The following CAMK2D variants were observed in gnomAD, a reference collection of about 807,000 sequenced individuals.
CAMK2D encodes the protein calcium/calmodulin dependent protein kinase II delta.
A neutral mutation model predicts 84.0 loss-of-function variants in CAMK2D; 37 were observed. The ratio of observed to expected loss-of-function variants is 0.44; its 90% confidence interval spans 0.34 to 0.58. CAMK2D has a LOEUF of 0.58. Among genes scored for constraint, CAMK2D ranks in the 20% least tolerant of loss-of-function variants. The pLI is 0.02. For synonymous variants in CAMK2D, 202 were observed against 212.5 expected (o/e 0.95, Z 0.43); for missense variants, 448 against 652.5 (o/e 0.69, Z 3.41).
chr4:113,467,950 A>AT (rs11463763), intron 16 of CAMK2D, among the ~76,000 whole-genome samples: 85,112 of 149,820 alleles, frequency 0.57, 24,474 homozygotes, highest in African/African-American at 0.67. Context: ...AAACTAACAG[A>AT]TTTTTTTTTT....
chr4:113,560,498 A>G (rs2098693183), intron 4 of CAMK2D, among the ~76,000 whole-genome samples: 1 of 152,210 alleles, frequency 6.6e-6, no homozygotes, highest in African/African-American at 2.4e-5. Context: ...TTTTAAAGCC[A>G]TAATCCTTAA....
intron 7 of CAMK2D, 146 bp downstream of exon 7, chr4:113,537,195 G>A: frequency 1.9e-6 from 1 of 522,692 alleles, no homozygotes; most frequent in Non-Finnish European, 3.4e-6. Flanking sequence ...AAAATTAAAT[G>A]CTTATAAAGG....
At chr4:113,610,375 C>G (rs779517420) in intron 3 of CAMK2D, among the ~76,000 whole-genome samples, 2 of 152,208 alleles carry the variant, frequency 1.3e-5, no homozygotes, top group Non-Finnish European at 2.9e-5. Context: ...TTTTCTACTA[C>G]AACCTGTTAT....
At chr4:113,491,393 G>A (rs1193353278) in intron 16 of CAMK2D, among the ~76,000 whole-genome samples, 6 of 142,312 alleles carry the variant, frequency 4.2e-5, no homozygotes, top group African/African-American at 1.6e-4. Flanking sequence ...TGCATCTATT[G>A]AGATAATCAT....
chr4:113,631,889 T>C (rs943999470), intron 3 of CAMK2D, among the ~76,000 whole-genome samples: 3 of 151,906 alleles, frequency 2.0e-5, no homozygotes, highest in Non-Finnish European at 4.4e-5. Context: ...TGTGTCCTTA[T>C]AGAGTTTACA....
Position 113,457,354 on chromosome 4 carries a change from A to C in CAMK2D, c.1516T>G (p.Ser506Ala). Residue 506 changes from serine to alanine, a missense_variant, in exon 19 of 21, where the codon TCA (serine) becomes GCA (alanine). By Grantham distance (99) the Ser-to-Ala change is moderately conservative. Coordinates refer to ENST00000511664, the MANE Select transcript of CAMK2D (RefSeq NM_001321571.2). ...WQNVHFHRSGSPTVPIKPPCI... is the reference protein window; with the variant it reads ...WQNVHFHRSGAPTVPIKPPCI... ...ATTTACTTGATGGGTACTGTTGGTG[A>C]CCCCGAGCGATGAAAATGAACATTC... 1 of 1,613,564 alleles carries C rather than the reference A, an allele frequency of 6.2e-7. No individual in the cohort carries two copies.
At chr4:113,461,802 A>G (rs187441868) in intron 17 of CAMK2D, among the ~76,000 whole-genome samples, 21 of 152,346 alleles carry the variant, frequency 1.4e-4, no homozygotes, top group African/African-American at 5.1e-4. Flanking sequence ...GAGGGGGAGC[A>G]AAATTTTTTA....
At chr4:113,720,366 T>TCTCA (rs112256422) in intron 2 of CAMK2D, among the ~76,000 whole-genome samples, 3 of 148,554 alleles carry the variant, frequency 2.0e-5, no homozygotes, top group African/African-American at 7.4e-5. Flanking sequence ...AATCACATTC[T>TCTCA]CACACACACA....
At chr4:113,722,657 T>C (rs2099534221) in intron 2 of CAMK2D, among the ~76,000 whole-genome samples, 2 of 152,212 alleles carry the variant, frequency 1.3e-5, no homozygotes, top group South Asian at 2.1e-4. Context: ...AATAATCATA[T>C]TGGGGACGAC....
Position 113,742,570 on chromosome 4 carries a change from A to AT in CAMK2D, c.160+16749dup, listed in dbSNP as rs143698248. Among the ~76,000 whole-genome samples the AT allele has an allele frequency of 1.2e-3, 179 of 147,096 alleles. 1 individual carries two copies. The Middle Eastern group carries it at 0.014, about 11-fold the overall frequency. The stretch of plus-strand genomic sequence containing the variant: ...TACCTCAATAACAATTCTTGAGTTC[A>AT]TTTTTTTTTTTTCCTCAAGGAGCAA... On this transcript the variant is annotated intron_variant, in intron 2 of 20. Transcript: ENST00000511664.
intron 3 of CAMK2D, among the ~76,000 whole-genome samples, chr4:113,620,110 G>A (rs1464579740): frequency 6.6e-6 from 1 of 152,132 alleles, no homozygotes; most frequent in Non-Finnish European, 1.5e-5. Context: ...TCAAAGATAG[G>A]GTTGGGTAAG....
intron 3 of CAMK2D, among the ~76,000 whole-genome samples, chr4:113,625,710 TGCC>T (rs2099065086): frequency 6.6e-6 from 1 of 152,110 alleles, no homozygotes; most frequent in African/African-American, 2.4e-5. Flanking sequence ...CCTTGGAGTA[TGCC>T]ATTATTAAAG....
At chr4:113,459,572 T>C (rs1009408872) in intron 18 of CAMK2D, among the ~76,000 whole-genome samples, 1 of 152,084 alleles carries the variant, frequency 6.6e-6, no homozygotes, top group East Asian at 1.9e-4. Context: ...ACATTTTTTG[T>C]AACTGCTTTA....
chr4:113,696,653 G>A (rs1038715619), intron 2 of CAMK2D, among the ~76,000 whole-genome samples: 1 of 152,064 alleles, frequency 6.6e-6, no homozygotes, highest in Non-Finnish European at 1.5e-5. Context: ...AATATACACA[G>A]AAGCCGCACA....
intron 16 of CAMK2D, among the ~76,000 whole-genome samples, chr4:113,499,037 G>A (rs998597594): frequency 1.3e-5 from 2 of 152,132 alleles, no homozygotes; most frequent in Admixed American, 6.5e-5. Context: ...TTGCTCAAGG[G>A]AAGAATGTGA....
intron 16 of CAMK2D, among the ~76,000 whole-genome samples, chr4:113,487,767 T>A (rs1034030139): frequency 6.6e-6 from 1 of 152,042 alleles, no homozygotes. Flanking sequence ...TCTTTAAACT[T>A]TGAGTTAAAT....
Position 113,451,195 on chromosome 4 carries a change from A to T in CAMK2D, c.*3350T>A, listed in dbSNP as rs1445664983. The T allele has an allele frequency of 2.0e-5, 3 of 152,088 alleles. No homozygotes were observed. The highest frequency in any genetic ancestry group is 4.8e-5 in the African/African-American group (2 of 41,426). The allele number at this position is 152,088 out of a possible 1,614,324, so 9.4% of individuals were successfully genotyped here. ...ATATACTGATTTGCTACTACATTTC[A>T]TTTTTCCTACATTCAGCTAGATGAC... On this transcript the variant is annotated 3_prime_UTR_variant, in exon 21 of 21. Transcript: ENST00000511664.
intron 13 of CAMK2D, among the ~76,000 whole-genome samples, chr4:113,508,436 A>G (rs745366048): frequency 5.3e-5 from 8 of 152,234 alleles, no homozygotes; most frequent in Non-Finnish European, 1.0e-4. Flanking sequence ...AGTAATGAAA[A>G]TAAATATCTC....
chr4:113,635,275 A>G lies in CAMK2D; in HGVS notation c.221-26069T>C, dbSNP rs80195545. On this transcript the variant is annotated intron_variant, in intron 3 of 20. Coordinates refer to ENST00000511664, the MANE Select transcript of CAMK2D (RefSeq NM_001321571.2). ...TTTCTGAATGTAGCTTACAGCCTAA[A>G]TCCAACATATATTGTGTGATATATT... is the stretch of plus-strand genomic sequence containing the variant. 2.6e-4 allele frequency among the ~76,000 whole-genome samples: 40 copies of G among 152,326 alleles called. No individual in the cohort carries two copies. The East Asian group carries it at 6.6e-3, about 25-fold the overall frequency.
Sources: allele counts gnomAD v4.1 joint callset (sites outside exome capture counted in the v4.1 genomes callset), GRCh38; gene constraint gnomAD v4.1.1; transcripts MANE v1.5; gene names NCBI Gene and HGNC (gene_info 2026-07-23, HGNC 2026-07-21).